The following TPRG1 variants were observed in gnomAD, a reference collection of about 807,000 sequenced individuals.
TPRG1 encodes tumor protein p63 regulated 1, also known as tumor protein p63-regulated gene 1 protein.
In TPRG1, 29 loss-of-function variants were observed where a neutral mutation model predicts 29.3. That is an observed-to-expected ratio of 0.99 (90% CI 0.74 to 1.35). The LOEUF (loss-of-function observed/expected upper bound fraction) is 1.35. Ranked by LOEUF, TPRG1 falls within the 40% of genes most tolerant of loss-of-function variation. The probability of loss-of-function intolerance (pLI) is 0.00; values close to 1 mark genes in which losing one functional copy is unlikely to be tolerated. For missense variants in TPRG1, 327 were observed against 335.0 expected, an observed-to-expected ratio of 0.98 and a Z score of 0.19; for synonymous variants, 130 against 116.8, an observed-to-expected ratio of 1.11 and a Z score of -0.73.
intron 4 of TPRG1, among the ~76,000 whole-genome samples, chr3:189,034,769 T>C (rs943455269): frequency 2.0e-5 from 3 of 152,092 alleles, no homozygotes; most frequent in Admixed American, 6.5e-5. Context: ...TACACAACAC[T>C]GATGAAAGAA....
chr3:189,007,283 A>G (rs1456633294), intron 3 of TPRG1, among the ~76,000 whole-genome samples: 1 of 151,642 alleles, frequency 6.6e-6, no homozygotes, highest in Admixed American at 6.6e-5. Flanking sequence ...GCAGCCAAAA[A>G]ACACATGAAA....
rs571898217 is a variant in TPRG1, at chr3:189,046,698, G to A, written c.-463+22752G>A. 3.6e-4 allele frequency among the ~76,000 whole-genome samples: 54 copies of A among 151,938 alleles called. 1 individual carries two copies. The highest frequency in any genetic ancestry group is 1.5e-3 in the South Asian group (7 of 4,782). On this transcript the variant is annotated intron_variant, in intron 4 of 10. Transcript: ENST00000433971. ...GCATTATACTTTTCCTGTAGTATAC[G>A]TTTCCTTCTCTAAAAGATTTACTGG...
In TPRG1 at chr3:189,161,094, G is replaced by T. The variant is rs752088735; in HGVS notation, c.-10+10222G>T. Among the ~76,000 whole-genome samples, 4 of 152,324 alleles carry T rather than the reference G, an allele frequency of 2.6e-5. No homozygotes were observed. In the South Asian group the frequency reaches 8.3e-4, roughly 32 times the overall value. On this transcript the variant is annotated intron_variant, in intron 5 of 6. Transcript: ENST00000412373. ...CTCCTGGGATGATCAGGACAATCTA[G>T]GGTAATGTGTTCAAAGTACCTGTTA...
At chr3:189,024,368 T>A (rs1713543756) in intron 4 of TPRG1, among the ~76,000 whole-genome samples, 1 of 152,154 alleles carries the variant, frequency 6.6e-6, no homozygotes, top group Non-Finnish European at 1.5e-5. Context: ...AACAGCCAAG[T>A]CACCCAAACA....
At chr3:189,216,274 A>T (rs551923980) in intron 3 of TPRG1, among the ~76,000 whole-genome samples, 5 of 152,286 alleles carry the variant, frequency 3.3e-5, no homozygotes, top group African/African-American at 1.2e-4. Context: ...TGATTCCTAT[A>T]CCTTGAGTAA....
At chr3:189,225,540 G>A (rs1737596442) in intron 3 of TPRG1, among the ~76,000 whole-genome samples, 1 of 152,128 alleles carries the variant, frequency 6.6e-6, no homozygotes, top group Admixed American at 6.5e-5. Context: ...TTTCCTTAAA[G>A]CAAACAAACA....
chr3:189,155,882 C>T (rs1245634650), intron 5 of TPRG1, among the ~76,000 whole-genome samples: 1 of 152,056 alleles, frequency 6.6e-6, no homozygotes, highest in Non-Finnish European at 1.5e-5. Flanking sequence ...TTTAGTTATG[C>T]AGGATGAATA....
intron 1 of TPRG1, among the ~76,000 whole-genome samples, chr3:189,200,487 T>A (rs541241719): frequency 5.9e-5 from 9 of 152,322 alleles, no homozygotes; most frequent in African/African-American, 2.2e-4. Flanking sequence ...CTTGAGACTG[T>A]TAACCCCTTC....
intron 1 of TPRG1, among the ~76,000 whole-genome samples, chr3:189,115,422 T>C (rs1310048461): frequency 1.3e-5 from 2 of 152,188 alleles, no homozygotes; most frequent in Non-Finnish European, 2.9e-5. Context: ...TTTGATAATT[T>C]TGTAGGCCAA....
intron 1 of TPRG1, among the ~76,000 whole-genome samples, chr3:189,195,570 C>A (rs1169441452): frequency 1.3e-5 from 2 of 152,166 alleles, no homozygotes; most frequent in African/African-American, 2.4e-5. Flanking sequence ...CAGTGTATTG[C>A]AGTAGCCGTG....
At chr3:189,141,408 GT>G (rs1286521277) in intron 3 of TPRG1, among the ~76,000 whole-genome samples, 50 of 152,148 alleles carry the variant, frequency 3.3e-4, no homozygotes, top group Admixed American at 3.2e-3. Context: ...ACCTATTTGT[GT>G]GCCAGACACT....
intron 4 of TPRG1, among the ~76,000 whole-genome samples, chr3:189,247,849 T>A (rs1741584111): frequency 6.6e-6 from 1 of 151,978 alleles, no homozygotes; most frequent in African/African-American, 2.4e-5. Context: ...GTATGAATAC[T>A]ACCTGGAATT....
intron 4 of TPRG1, among the ~76,000 whole-genome samples, chr3:189,039,949 G>A (rs1022164972): frequency 1.3e-4 from 19 of 151,846 alleles, no homozygotes; most frequent in Non-Finnish European, 2.1e-4. Context: ...CTACAAACAT[G>A]CATTTCCTTA....
At chr3:189,056,043 T>C (rs9878563) in intron 4 of TPRG1, among the ~76,000 whole-genome samples, 1,359 of 77,260 alleles carry the variant, frequency 0.018, 41 homozygotes, top group African/African-American at 0.037. Flanking sequence ...CTTCCTTCCT[T>C]CCTTCCTTCC....
At chr3:189,017,631 G>T (rs1342473874) in intron 3 of TPRG1, among the ~76,000 whole-genome samples, 5 of 152,094 alleles carry the variant, frequency 3.3e-5, no homozygotes, top group African/African-American at 1.2e-4. Context: ...GTCTATCATT[G>T]TTGGACATTT....
At chr3:189,200,151 C>G (rs1006087124) in intron 1 of TPRG1, among the ~76,000 whole-genome samples, 1 of 152,230 alleles carries the variant, frequency 6.6e-6, no homozygotes, top group African/African-American at 2.4e-5. Context: ...GCAGAGGACT[C>G]TGCCTGGCCC....
intron 1 of TPRG1, among the ~76,000 whole-genome samples, chr3:189,184,305 G>T (rs1222882368): frequency 6.6e-6 from 1 of 152,184 alleles, no homozygotes; most frequent in Non-Finnish European, 1.5e-5. Context: ...ATAAAACCAT[G>T]TGCATAGCAC....
At chr3:189,161,055 T>C (rs1234925238) in intron 5 of TPRG1, among the ~76,000 whole-genome samples, 1 of 152,246 alleles carries the variant, frequency 6.6e-6, no homozygotes, top group Non-Finnish European at 1.5e-5. Flanking sequence ...TGTGATAAGA[T>C]TGGTGATGGC....
At chr3:189,168,805 C>T (rs766341633), upstream of TPRG1, among the ~76,000 whole-genome samples, 4 of 152,176 alleles carry the variant, frequency 2.6e-5, no homozygotes, top group Non-Finnish European at 5.9e-5. Flanking sequence ...TTCTTGTAGA[C>T]AGTACCTATT....
Sources: gnomAD v4.1 joint callset for allele counts (sites outside exome capture counted in the v4.1 genomes callset) on GRCh38, gnomAD v4.1.1 for gene constraint, MANE v1.5 for transcripts, NCBI Gene and HGNC (gene_info 2026-07-23, HGNC 2026-07-21) for gene names.